The following CDH7 variants were observed in gnomAD, a reference collection of about 807,000 sequenced individuals.
The protein encoded by CDH7 is cadherin 7.
In CDH7, 25 loss-of-function variants were observed where a neutral mutation model predicts 71.8. The ratio of observed to expected loss-of-function variants is 0.35; its 90% CI spans 0.25 to 0.49. The LOEUF (loss-of-function observed/expected upper bound fraction) is 0.49. CDH7 is among the 20% of genes least tolerant of loss of function. The pLI is 0.99. For synonymous variants in CDH7, 381 were observed against 363.8 expected (o/e 1.05, Z -0.54); for missense variants, 862 against 974.6 (o/e 0.88, Z 1.54).
intron 2 of CDH7, among the ~76,000 whole-genome samples, chr18:65,771,834 A>C (rs1916553533): frequency 6.6e-6 from 1 of 152,170 alleles, no homozygotes; most frequent in Non-Finnish European, 1.5e-5. Flanking sequence ...GAGCCAAATG[A>C]CATTGGGGGA....
chr18:65,781,771 C>CTTTCTTTCTTTCTTTCT (rs1568181257), intron 2 of CDH7, among the ~76,000 whole-genome samples: 12 of 39,096 alleles, frequency 3.1e-4, no homozygotes, highest in South Asian at 1.3e-3. Context: ...TCTTTCTTTC[C>CTTTCTTTCTTTCTTTCT]TTCCTTCCTT....
At chr18:65,867,973 AC>A (rs1913815539) in intron 11 of CDH7, among the ~76,000 whole-genome samples, 2 of 152,206 alleles carry the variant, frequency 1.3e-5, no homozygotes, top group South Asian at 2.1e-4. Flanking sequence ...ATATTTGGCC[AC>A]CAGTAACTGT....
chr18:65,868,031 G>T (rs78485715), intron 11 of CDH7, among the ~76,000 whole-genome samples: 3,885 of 143,236 alleles, frequency 0.027, 158 homozygotes, highest in African/African-American at 0.095. Context: ...TCTTGTTTTT[G>T]CAAATGATAG....
intron 2 of CDH7, among the ~76,000 whole-genome samples, chr18:65,797,848 G>A (rs1910972467): frequency 6.6e-6 from 1 of 152,052 alleles, no homozygotes; most frequent in Non-Finnish European, 1.5e-5. Context: ...TAGTACAATG[G>A]AAGAACATTT....
At chr18:65,811,370 C>G (rs567827605) in intron 3 of CDH7, among the ~76,000 whole-genome samples, 3 of 152,258 alleles carry the variant, frequency 2.0e-5, no homozygotes, top group African/African-American at 4.8e-5. Flanking sequence ...CACCATGGCT[C>G]TAGCTGCTAG....
intron 6 of CDH7, among the ~76,000 whole-genome samples, chr18:65,826,538 G>A (rs773080630): frequency 5.1e-5 from 5 of 97,464 alleles, no homozygotes; most frequent in Non-Finnish European, 1.2e-4. Flanking sequence ...TTAAAAGGCA[G>A]TATCCAAACT....
rs117089387 is a variant in CDH7, at chr18:65,786,862, T to C, written c.211-22842T>C. Among the ~76,000 whole-genome samples, 652 of 152,098 alleles carry C rather than the reference T, an allele frequency of 4.3e-3. 5 individuals are homozygous for C. The highest frequency in any genetic ancestry group is 0.012 in the South Asian group (58 of 4,820). Reference sequence around the variant, plus strand: ...CTATGCACAGCTAATTAATCAAAATTTATGTTTTTAGAGACAGAGTCTTGG... The same window carrying C: ...CTATGCACAGCTAATTAATCAAAATCTATGTTTTTAGAGACAGAGTCTTGG... On this transcript the variant is annotated intron_variant, in intron 2 of 11. Coordinates refer to ENST00000397968, the MANE Select transcript of CDH7 (RefSeq NM_004361.5).
rs1568182247 is a variant in CDH7 at position 65,782,047 on chromosome 18, T to TC, written c.210+18995_210+18996insC. Among the ~76,000 whole-genome samples, 3 of 68,878 alleles carry TC rather than the reference T, an allele frequency of 4.4e-5. 1 individual carries two copies. The highest frequency in any genetic ancestry group is 3.8e-4 in the African/African-American group (3 of 7,910). The allele number at this position is 68,878 out of a possible 152,430, so 45.2% of individuals were successfully genotyped here. ...CTTTCTCCCTTCCTTCCTTCCTTCC[T>TC]TCCTTCCTTCCTTCCTTTCTTTCTT... On this transcript the variant is annotated intron_variant, in intron 2 of 11. Coordinates refer to ENST00000397968, the MANE Select transcript of CDH7 (RefSeq NM_004361.5).
chr18:65,830,724 TC>T (rs2143958821), intron 6 of CDH7, among the ~76,000 whole-genome samples: 1 of 97,844 alleles, frequency 1.0e-5, no homozygotes, highest in Non-Finnish European at 2.4e-5. Context: ...TTTCTCTCTC[TC>T]TCTTTCTTTC....
At position 65,885,372 on chromosome 18, in the gene CDH7, G is replaced by GTTTTTTTCTTTTTTT. The variant is rs1914342605; in HGVS notation, c.*4485_*4486insCTTTTTTTTTTTTTT. The GTTTTTTTCTTTTTTT allele has an allele frequency of 1.4e-5, 1 of 69,436 alleles. No homozygotes were observed. Among genetic ancestry groups the GTTTTTTTCTTTTTTT allele is most frequent in the Non-Finnish European group, 2.7e-5 (1 of 37,390 alleles). The allele number at this position is 69,436 out of a possible 1,614,324, so 4.3% of individuals were successfully genotyped here. A position where few individuals can be genotyped will look rare whatever the true frequency, so the allele number is the denominator to read the frequency against. On this transcript the variant is annotated 3_prime_UTR_variant, in exon 12 of 12. Coordinates refer to ENST00000397968, the MANE Select transcript of CDH7 (RefSeq NM_004361.5). ...GTAACTGAAAAGGATGTGTGCCTGT[G>GTTTTTTTCTTTTTTT]TTTTTTTTTTTTTTTTTTTTTTTGA... is the stretch of plus-strand genomic sequence containing the variant.
At chr18:65,766,922 A>T (rs73963786) in intron 2 of CDH7, among the ~76,000 whole-genome samples, 3 of 136,894 alleles carry the variant, frequency 2.2e-5, no homozygotes, top group Admixed American at 7.7e-5. Context: ...AAAAAAAAAA[A>T]GTCTACAAAA....
At chr18:65,849,374 CT>C (rs1207492917) in intron 7 of CDH7, among the ~76,000 whole-genome samples, 100 of 91,726 alleles carry the variant, frequency 1.1e-3, no homozygotes, top group Non-Finnish European at 1.2e-3. Flanking sequence ...CTTTTCTTTT[CT>C]TTTCTTTTCT....
In CDH7 at chr18:65,866,184, A is replaced by T. The variant is rs546525096; in HGVS notation, c.1864+3267A>T. ...CGTAGTGGCGGGCGCCTGTAGTCCC[A>T]GCTACTTGGGAGGCTGAGGCAGGAG... On this transcript the variant is annotated intron_variant, in intron 11 of 11. Transcript: ENST00000397968. 1.5e-3 allele frequency among the ~76,000 whole-genome samples: 57 copies of T among 37,754 alleles called. 17 individuals carry two copies. The highest frequency in any genetic ancestry group is 3.0e-3 in the South Asian group (2 of 668). 24.8% of individuals were successfully genotyped at this position (37,754 alleles called of 152,430 possible).
intron 7 of CDH7, among the ~76,000 whole-genome samples, chr18:65,853,992 T>C (rs1394048574): frequency 4.3e-5 from 6 of 139,380 alleles, no homozygotes; most frequent in African/African-American, 1.6e-4. Flanking sequence ...ATTATAGTTA[T>C]TAACAAATAC....
intron 2 of CDH7, among the ~76,000 whole-genome samples, chr18:65,780,915 C>A (rs1910157867): frequency 7.5e-6 from 1 of 133,658 alleles, no homozygotes; most frequent in African/African-American, 3.3e-5. Context: ...TCTCTCTATT[C>A]CTGTTTTTTT....
intron 6 of CDH7, among the ~76,000 whole-genome samples, chr18:65,833,806 T>G (rs1465526581): frequency 6.6e-6 from 1 of 152,170 alleles, no homozygotes; most frequent in Non-Finnish European, 1.5e-5. Flanking sequence ...CATGTCGACA[T>G]GTTTGACCTG....
At chr18:65,760,527 A>G (rs1449867051) in intron 1 of CDH7, among the ~76,000 whole-genome samples, 3 of 152,160 alleles carry the variant, frequency 2.0e-5, no homozygotes, top group South Asian at 2.1e-4. Flanking sequence ...ATTTTGCTCT[A>G]TTGCATCTAA....
In CDH7 at chr18:65,880,822, A is replaced by G. The variant is rs934905274; in HGVS notation, c.2286A>G (p.Leu762=). The change falls in exon 12 of 12, where the codon CTA becomes CTG. Residue 762 remains leucine (L), a synonymous_variant. Coordinates refer to ENST00000397968, the MANE Select transcript of CDH7 (RefSeq NM_004361.5). Reference sequence around the variant, plus strand: ...ACTCTGATCAGAACTATGACTACCTAAGTGACTGGGGACCTCGCTTTAAAC... The same window carrying G: ...ACTCTGATCAGAACTATGACTACCTGAGTGACTGGGGACCTCGCTTTAAAC... ...SSNSDQNYDY[L]SDWGPRFKRL... is the part of the protein sequence containing the mutation. The G allele has an allele frequency of 3.7e-6, 6 of 1,613,940 alleles. No individual in the cohort carries two copies. In the Admixed American group the frequency reaches 5.0e-5, roughly 13 times the overall value.
chr18:65,846,294 G>A (rs1912932325), intron 7 of CDH7, among the ~76,000 whole-genome samples: 1 of 151,972 alleles, frequency 6.6e-6, no homozygotes, highest in African/African-American at 2.4e-5. Context: ...CTTTATCAGT[G>A]AAAGAGTACC....
Sources: gnomAD v4.1 joint callset for allele counts (sites outside exome capture counted in the v4.1 genomes callset) on GRCh38, gnomAD v4.1.1 for gene constraint, MANE v1.5 for transcripts, NCBI Gene and HGNC (gene_info 2026-07-23, HGNC 2026-07-21) for gene names.